The following PGR variants were observed in gnomAD, a reference collection of about 807,000 sequenced individuals.
The protein encoded by PGR is nuclear receptor subfamily 3 group C member 3.
PGR carries 25 observed loss-of-function variants against 76.1 expected under a neutral mutation model. The observed-to-expected ratio is 0.33, with a 90% CI of 0.24 to 0.46. PGR has a LOEUF of 0.46. Among genes scored for constraint, PGR ranks in the 20% least tolerant of loss-of-function variants. The pLI, the probability that PGR is intolerant of heterozygous loss-of-function variation, is 1.00. For missense variants in PGR, 1,172 were observed against 1,225.3 expected (o/e 0.96, Z 0.65); for synonymous variants, 579 against 535.0 (o/e 1.08, Z -1.14).
chr11:101,032,530 ATGT>A lies in PGR; in HGVS notation c.*6583_*6585del, dbSNP rs1859383808. 1 of 232,256 alleles carries A rather than the reference ATGT, an allele frequency of 4.3e-6. No individual in the cohort carries two copies. The highest frequency in any genetic ancestry group is 8.5e-6 in the Non-Finnish European group (1 of 117,562). 14.4% of individuals were successfully genotyped at this position (232,256 alleles called of 1,614,324 possible). A position where few individuals can be genotyped will look rare whatever the true frequency, so the allele number is the denominator to read the frequency against. On this transcript the variant is annotated 3_prime_UTR_variant, in exon 8 of 8. Coordinates refer to ENST00000325455, the MANE Select transcript of PGR (RefSeq NM_000926.4). The stretch of plus-strand genomic sequence containing the variant: ...CTCTCTCCCCATCAGGTTTGTGCAA[ATGT>A]TGTTTGGGATACTCTTCTCTCTTTG...
At chr11:101,105,781 G>A (rs1011665160) in intron 2 of PGR, among the ~76,000 whole-genome samples, 7 of 152,054 alleles carry the variant, frequency 4.6e-5, no homozygotes, top group African/African-American at 1.7e-4. Flanking sequence ...ACAATCCTAA[G>A]CAAAAAGAAC....
At chr11:101,070,008 A>G (rs1860865679) in intron 3 of PGR, among the ~76,000 whole-genome samples, 1 of 152,098 alleles carries the variant, frequency 6.6e-6, no homozygotes, top group African/African-American at 2.4e-5. Flanking sequence ...TAAAAAAAAA[A>G]AAAGTAGAGT....
chr11:101,067,880 AC>A (rs560243092), intron 3 of PGR, among the ~76,000 whole-genome samples: 109 of 152,290 alleles, frequency 7.2e-4, no homozygotes, highest in East Asian at 4.8e-3. Context: ...GTAGAAAAAA[AC>A]ATCTCAAAAC....
intron 3 of PGR, among the ~76,000 whole-genome samples, chr11:101,070,412 A>G (rs1401595102): frequency 1.3e-5 from 2 of 152,136 alleles, no homozygotes; most frequent in African/African-American, 4.8e-5. Flanking sequence ...TGGGCAGACA[A>G]TGAACTAGCT....
intron 2 of PGR, among the ~76,000 whole-genome samples, chr11:101,101,285 A>G (rs1861990011): frequency 6.6e-6 from 1 of 152,216 alleles, no homozygotes; most frequent in African/African-American, 2.4e-5. Flanking sequence ...AATGATATGT[A>G]AGAAGAGAAA....
At chr11:101,126,817 T>C (rs1032146958) in intron 1 of PGR, among the ~76,000 whole-genome samples, 1 of 152,234 alleles carries the variant, frequency 6.6e-6, no homozygotes, top group Non-Finnish European at 1.5e-5. Context: ...TGCAATGCAG[T>C]GACAGGCGTT....
intron 4 of PGR, among the ~76,000 whole-genome samples, chr11:101,055,632 T>A (rs1860264300): frequency 1.3e-5 from 2 of 152,068 alleles, no homozygotes; most frequent in Admixed American, 6.5e-5. Context: ...ACTTCAGGCA[T>A]TTGTTTTATG....
chr11:101,121,436 AT>A (rs1254126976), intron 2 of PGR, among the ~76,000 whole-genome samples: 4 of 152,232 alleles, frequency 2.6e-5, no homozygotes, highest in Non-Finnish European at 4.4e-5. Context: ...CTGATGCTGT[AT>A]CAAGGAGAAC....
chr11:101,104,221 C>A (rs1862079452), intron 2 of PGR, among the ~76,000 whole-genome samples: 1 of 152,102 alleles, frequency 6.6e-6, no homozygotes, highest in Non-Finnish European at 1.5e-5. Context: ...TTTTTAGTTT[C>A]TTCTTCAGAA....
rs112839598 is a variant in PGR at position 101,113,401 on chromosome 11, A to G, written c.1789+12606T>C. Among the ~76,000 whole-genome samples, 651 of 149,514 alleles carry G rather than the reference A, an allele frequency of 4.4e-3. 9 individuals are homozygous for G. The highest frequency in any genetic ancestry group is 0.015 in the African/African-American group (599 of 40,708). ...CTCAGCCTCCTGAGTAGCTGGGACTACAGGCACCCACCACCATGCCTGGCT... is the reference window on the plus strand; with the variant it reads ...CTCAGCCTCCTGAGTAGCTGGGACTGCAGGCACCCACCACCATGCCTGGCT... On this transcript the variant is annotated intron_variant, in intron 2 of 7. Coordinates refer to ENST00000325455, the MANE Select transcript of PGR (RefSeq NM_000926.4).
intron 2 of PGR, among the ~76,000 whole-genome samples, chr11:101,109,561 AG>A (rs1862279813): frequency 6.6e-6 from 1 of 152,228 alleles, no homozygotes; most frequent in African/African-American, 2.4e-5. Flanking sequence ...AATTCTATCA[AG>A]GGTGAGAGAG....
In PGR at chr11:101,070,964, A is replaced by G. The variant is rs1860914501; in HGVS notation, c.1907-8212T>C. Among the ~76,000 whole-genome samples, 5 of 152,280 alleles carry G rather than the reference A, an allele frequency of 3.3e-5. No individual in the cohort carries two copies. In the South Asian group the frequency reaches 8.3e-4, roughly 25 times the overall value. ...CAGCGGATCTCCCAGCGCAGTGCTC[A>G]AGCTCTGCTAAAGGACAAACTGCCT... On this transcript the variant is annotated intron_variant, in intron 3 of 7. Transcript: ENST00000325455.
At chr11:101,063,282 T>C (rs1480248289) in intron 3 of PGR, 1 of 152,808 alleles carries the variant, frequency 6.5e-6, no homozygotes, top group Non-Finnish European at 1.5e-5. Context: ...ACAATTTCAG[T>C]AGGTTCATTG....
chr11:101,125,305 A>G (rs886176214), intron 2 of PGR, among the ~76,000 whole-genome samples: 19 of 152,184 alleles, frequency 1.2e-4, no homozygotes, highest in Admixed American at 3.3e-4. Flanking sequence ...TGAAATCATT[A>G]AGCATGTAAG....
At chr11:101,101,771 G>A (rs925661469) in intron 2 of PGR, among the ~76,000 whole-genome samples, 3 of 152,020 alleles carry the variant, frequency 2.0e-5, no homozygotes, top group Non-Finnish European at 4.4e-5. Flanking sequence ...TAAATTTTTT[G>A]GTTTGAAAAA....
chr11:101,105,177 G>A (rs1862111548), intron 2 of PGR, among the ~76,000 whole-genome samples: 1 of 152,194 alleles, frequency 6.6e-6, no homozygotes. Flanking sequence ...GGCCTTGAAG[G>A]CCACTGTAAG....
At position 101,129,321 on chromosome 11, in the gene PGR, C is replaced by A; in HGVS notation, c.-251G>T. The A allele has an allele frequency of 2.1e-6, 1 of 478,180 alleles. No homozygotes were observed. 29.6% of individuals were successfully genotyped at this position (478,180 alleles called of 1,614,324 possible). On this transcript the variant is annotated 5_prime_UTR_variant, in exon 1 of 8. Transcript: ENST00000325455. ...GTCCCAGCGAGCGGCAAGTGGGGAG[C>A]GCAAGAAAAAGTAGTAATTGTTAGG...
chr11:101,088,358 G>A lies in PGR; in HGVS notation c.1906+3402C>T, dbSNP rs1001328840. On this transcript the variant is annotated intron_variant, in intron 3 of 7. Transcript: ENST00000325455. ...AGACATTTTTTTTTCTTTTGAGACA[G>A]TCTCGCTCTGTCGCCCAGGCTGGAG... is the stretch of plus-strand genomic sequence containing the variant. Among the ~76,000 whole-genome samples the A allele has an allele frequency of 4.6e-5, 7 of 152,148 alleles. No homozygotes were observed. In the East Asian group the frequency reaches 5.8e-4, roughly 13 times the overall value.
At chr11:101,072,243 G>A (rs1220191703) in intron 3 of PGR, among the ~76,000 whole-genome samples, 1 of 152,122 alleles carries the variant, frequency 6.6e-6, no homozygotes, top group Non-Finnish European at 1.5e-5. Context: ...CATAAGCAAA[G>A]GAGAAATAAA....
Sources: gnomAD v4.1 joint callset for allele counts (sites outside exome capture counted in the v4.1 genomes callset) on GRCh38, gnomAD v4.1.1 for gene constraint, MANE v1.5 for transcripts, NCBI Gene and HGNC (gene_info 2026-07-23, HGNC 2026-07-21) for gene names.